LRP2: variants seen among roughly 807,000 people sequenced by gnomAD.
The protein encoded by LRP2 is LDL receptor related protein 2.
In LRP2, 172 loss-of-function variants were observed where a neutral mutation model predicts 531.0. The observed-to-expected ratio is 0.32, with a 90% confidence interval of 0.29 to 0.37. The LOEUF is 0.37. Ranked by LOEUF, LRP2 falls within the 10% of genes least tolerant of loss-of-function variation. The pLI, the probability that LRP2 is intolerant of heterozygous loss-of-function variation, is 1.00. For missense variants in LRP2, 5,167 were observed against 5,868.3 expected (o/e 0.88, Z 3.90); for synonymous variants, 1,992 against 2,027.6 (o/e 0.98, Z 0.47).
At chr2:169,276,003 T>C (rs1033271526) in intron 13 of LRP2, among the ~76,000 whole-genome samples, 9 of 151,976 alleles carry the variant, frequency 5.9e-5, no homozygotes, top group African/African-American at 2.2e-4. Flanking sequence ...CTTATTTTCT[T>C]TATTTTGGCG....
chr2:169,165,828 G>A (rs1686760791), intron 62 of LRP2, 104 bp downstream of exon 62: 2 of 1,391,876 alleles, frequency 1.4e-6, no homozygotes, highest in Admixed American at 1.7e-5. Flanking sequence ...TGCAGTCATG[G>A]GCACAACTCT....
chr2:169,189,626 A>G (rs1687761245), intron 48 of LRP2, among the ~76,000 whole-genome samples: 1 of 152,142 alleles, frequency 6.6e-6, no homozygotes, highest in Non-Finnish European at 1.5e-5. Flanking sequence ...TGAGCCAAGA[A>G]AAAAAGAAGG....
chr2:169,181,577 C>G lies in LRP2; in HGVS notation c.10040G>C (p.Gly3347Ala). 6.2e-7 allele frequency: 1 copy of G among 1,614,116 alleles called. No individual in the cohort carries two copies. The highest frequency in any genetic ancestry group is 1.3e-5 in the African/African-American group (1 of 75,016). The change falls in exon 52 of 79, where the codon GGG becomes GCG. Residue 3347 changes from glycine (G) to alanine (A), a missense_variant. Gly to Ala is a moderately conservative substitution (Grantham distance 60). Transcript: ENST00000649046. ...GTTGGTTCCATCCATGCCTACTCTC[C>G]CAATGTATGCGCGGTGACCCCAGTC... ...WADWGHRAYI[G>A]RVGMDGTNKS...
intron 1 of LRP2, among the ~76,000 whole-genome samples, chr2:169,329,016 A>T (rs1685196443): frequency 6.6e-6 from 1 of 152,226 alleles, no homozygotes; most frequent in Admixed American, 6.5e-5. Flanking sequence ...TGGAGCACAG[A>T]TTTACACTGA....
intron 67 of LRP2, 76 bp downstream of exon 67, chr2:169,152,723 A>C (rs1686189405): frequency 6.6e-7 from 1 of 1,524,232 alleles, no homozygotes; most frequent in Admixed American, 1.7e-5. Flanking sequence ...AGACTCACTC[A>C]TGGCCCATGG....
At chr2:169,263,917 T>TA in intron 16 of LRP2, among the ~76,000 whole-genome samples, 1 of 152,214 alleles carries the variant, frequency 6.6e-6, no homozygotes, top group East Asian at 1.9e-4. Flanking sequence ...TATGCAGCCA[T>TA]AAAAAATGAT....
chr2:169,240,774 A>C (rs1016086667), intron 25 of LRP2: 7 of 613,238 alleles, frequency 1.1e-5, no homozygotes, highest in African/African-American at 5.5e-5. Flanking sequence ...AAAGAAGTAA[A>C]AACACATAAC....
At chr2:169,231,262 A>G (rs1027091909) in intron 31 of LRP2, among the ~76,000 whole-genome samples, 4 of 151,428 alleles carry the variant, frequency 2.6e-5, no homozygotes, top group Non-Finnish European at 5.9e-5. Flanking sequence ...CCATTGCACT[A>G]CAGTCTGGGC....
At chr2:169,160,685 A>AAAAAAAAAAAAAAAAAAC (rs970862922) in intron 63 of LRP2, among the ~76,000 whole-genome samples, 2 of 94,282 alleles carry the variant, frequency 2.1e-5, no homozygotes, top group African/African-American at 9.1e-5. Flanking sequence ...ATTTCCTTAA[A>AAAAAAAAAAAAAAAAAAC]AAAAAAAAAA....
At chr2:169,359,012 A>G (rs940857717) in intron 1 of LRP2, among the ~76,000 whole-genome samples, 1 of 152,032 alleles carries the variant, frequency 6.6e-6, no homozygotes, top group East Asian at 1.9e-4. Flanking sequence ...TATATTTGAA[A>G]ATTGGAAATG....
chr2:169,131,186 G>A (rs1215492414), intron 77 of LRP2, among the ~76,000 whole-genome samples: 2 of 151,984 alleles, frequency 1.3e-5, no homozygotes, highest in East Asian at 1.9e-4. Flanking sequence ...AAAATGTTTA[G>A]TCCCTTGAAA....
intron 37 of LRP2, 59 bp from the exon 38 acceptor site, chr2:169,209,700 G>C (rs1383520112): frequency 6.6e-7 from 1 of 1,509,056 alleles, no homozygotes; most frequent in African/African-American, 1.4e-5. Context: ...ACTTTTAAAT[G>C]TCTGCCCTTC....
At chr2:169,264,413 A>G (rs1690707440) in intron 16 of LRP2, among the ~76,000 whole-genome samples, 3 of 151,980 alleles carry the variant, frequency 2.0e-5, no homozygotes, top group African/African-American at 7.2e-5. Flanking sequence ...TAGAAACCCA[A>G]TACTACCTTT....
At chr2:169,235,247 T>A (rs1319547273) in intron 29 of LRP2, among the ~76,000 whole-genome samples, 1 of 151,004 alleles carries the variant, frequency 6.6e-6, no homozygotes, top group African/African-American at 2.4e-5. Context: ...AAAAAAATTT[T>A]TTTTTTTTTT....
intron 63 of LRP2, 88 bp from the exon 64 acceptor site, chr2:169,157,590 A>G: frequency 6.9e-7 from 1 of 1,458,496 alleles, no homozygotes; most frequent in Non-Finnish European, 9.5e-7. Flanking sequence ...ACTCGTAACC[A>G]ACTATAGGAC....
intron 4 of LRP2, among the ~76,000 whole-genome samples, chr2:169,303,814 A>C (rs979566274): frequency 3.3e-5 from 5 of 152,188 alleles, no homozygotes; most frequent in Admixed American, 6.5e-5. Context: ...GTGTGCCCTG[A>C]AGGGTTCATG....
chr2:169,300,755 G>T (rs1684267432), intron 4 of LRP2, among the ~76,000 whole-genome samples: 1 of 152,020 alleles, frequency 6.6e-6, no homozygotes, highest in Non-Finnish European at 1.5e-5. Context: ...GGTAAGATGG[G>T]GTCCTTTGGA....
At chr2:169,319,130 C>G (rs2105513732) in intron 2 of LRP2, among the ~76,000 whole-genome samples, 1 of 152,306 alleles carries the variant, frequency 6.6e-6, no homozygotes, top group South Asian at 2.1e-4. Context: ...ATAAAACAAA[C>G]AGCACACATA....
chr2:169,202,610 G>T, intron 43 of LRP2, 146 bp downstream of exon 43: 1 of 795,892 alleles, frequency 1.3e-6, no homozygotes. Context: ...GAAACAGTCT[G>T]GATTATCAGA....
Sources: allele counts gnomAD v4.1 joint callset (sites outside exome capture counted in the v4.1 genomes callset), GRCh38; gene constraint gnomAD v4.1.1; transcripts MANE v1.5; gene names NCBI Gene and HGNC (gene_info 2026-07-23, HGNC 2026-07-21).